Variants in PALM2AKAP2 observed in about 807,000 individuals in gnomAD.
PALM2AKAP2 encodes the protein PALM2 and AKAP2 fusion, also known as PALM2-AKAP2 fusion protein.
Under a neutral mutation model 71.5 loss-of-function variants are expected in PALM2AKAP2, and 37 were observed. The ratio of observed to expected loss-of-function variants is 0.52; its 90% CI spans 0.40 to 0.68. PALM2AKAP2 has a LOEUF of 0.68. PALM2AKAP2 is among the 30% of genes least tolerant of loss of function. The probability of loss-of-function intolerance (pLI) is 0.00; values close to 1 mark genes in which losing one functional copy is unlikely to be tolerated. For synonymous variants in PALM2AKAP2, 468 were observed against 478.8 expected (o/e 0.98, Z 0.29); for missense variants, 1,224 against 1,191.8 (o/e 1.03, Z -0.40).
At chr9:109,642,306 AC>A (rs1827081546) in intron 1 of PALM2AKAP2, among the ~76,000 whole-genome samples, 3 of 151,744 alleles carry the variant, frequency 2.0e-5, no homozygotes, top group Admixed American at 2.0e-4. Flanking sequence ...TATTTCATGT[AC>A]TTTTTGTGAA....
intron 3 of PALM2AKAP2, among the ~76,000 whole-genome samples, chr9:109,883,803 C>T (rs1287038765): frequency 1.3e-5 from 2 of 152,210 alleles, no homozygotes; most frequent in Non-Finnish European, 2.9e-5. Context: ...GCTGATAGGG[C>T]TGAGCTCACC....
At chr9:109,815,158 C>T (rs900047867) in intron 1 of PALM2AKAP2, among the ~76,000 whole-genome samples, 3 of 152,022 alleles carry the variant, frequency 2.0e-5, no homozygotes, top group African/African-American at 2.4e-5. Context: ...GAACTTGGTA[C>T]TGATTGAGTA....
intron 2 of PALM2AKAP2, among the ~76,000 whole-genome samples, chr9:109,869,033 A>G (rs897511813): frequency 1.3e-5 from 2 of 152,244 alleles, no homozygotes; most frequent in East Asian, 3.8e-4. Flanking sequence ...ACCAACATGT[A>G]CTAAAACCTC....
intron 1 of PALM2AKAP2, among the ~76,000 whole-genome samples, chr9:110,075,761 T>C (rs945272993): frequency 6.6e-6 from 1 of 152,112 alleles, no homozygotes; most frequent in East Asian, 1.9e-4. Context: ...TTTAAAATAA[T>C]TTTAAACTTA....
intron 1 of PALM2AKAP2, among the ~76,000 whole-genome samples, chr9:109,690,602 T>C (rs1474200859): frequency 6.6e-6 from 1 of 152,232 alleles, no homozygotes; most frequent in African/African-American, 2.4e-5. Context: ...TAATTGATCT[T>C]GGATACACAT....
At chr9:109,949,716 C>T (rs1831590893) in intron 6 of PALM2AKAP2, among the ~76,000 whole-genome samples, 1 of 152,144 alleles carries the variant, frequency 6.6e-6, no homozygotes, top group East Asian at 1.9e-4. Flanking sequence ...CTTTCTATAC[C>T]TGCCATTAGG....
chr9:110,166,874 CCAA>C (rs1424127751), intron 3 of PALM2AKAP2, among the ~76,000 whole-genome samples: 1 of 152,128 alleles, frequency 6.6e-6, no homozygotes, highest in East Asian at 1.9e-4. Flanking sequence ...TCTGGAGTTG[CCAA>C]CTGTATTAGT....
At position 110,025,250 on chromosome 9, in the gene PALM2AKAP2, C is replaced by T. The variant is rs550476250; in HGVS notation, c.582+9211C>T. On this transcript the variant is annotated intron_variant, in intron 7 of 9. Coordinates refer to the PALM2AKAP2 transcript ENST00000302798. ...ATTCCCTTGATGTCTACAATATCAC[C>T]TTTCTTATAGATTCGCATATACGTG... 110 of 1,143,660 alleles carry T rather than the reference C, an allele frequency of 9.6e-5. 2 individuals carry two copies. In the South Asian group the frequency reaches 1.3e-3, roughly 13 times the overall value. The allele number at this position is 1,143,660 out of a possible 1,614,324, so 70.8% of individuals were successfully genotyped here.
chr9:109,946,271 G>T (rs948736066), intron 6 of PALM2AKAP2: 2 of 152,058 alleles, frequency 1.3e-5, no homozygotes, highest in Non-Finnish European at 2.9e-5. Flanking sequence ...ATTATGTGTG[G>T]TATCACACTC....
At chr9:109,689,446 CG>C (rs1564113822) in intron 1 of PALM2AKAP2, among the ~76,000 whole-genome samples, 1 of 152,014 alleles carries the variant, frequency 6.6e-6, no homozygotes, top group East Asian at 1.9e-4. Context: ...GTGATCCACC[CG>C]CCTCGGCCAC....
At chr9:109,685,025 C>A (rs902828215) in intron 1 of PALM2AKAP2, among the ~76,000 whole-genome samples, 1 of 152,204 alleles carries the variant, frequency 6.6e-6, no homozygotes, top group South Asian at 2.1e-4. Context: ...AAGGATTATA[C>A]TAAGTAGAGA....
chr9:110,091,672 C>T (rs918658442), intron 1 of PALM2AKAP2, among the ~76,000 whole-genome samples: 7 of 152,006 alleles, frequency 4.6e-5, no homozygotes, highest in Non-Finnish European at 1.0e-4. Flanking sequence ...CCGTGTTAGC[C>T]AGGATGGTCT....
chr9:109,909,711 A>G (rs1456282451), intron 3 of PALM2AKAP2, among the ~76,000 whole-genome samples: 1 of 152,214 alleles, frequency 6.6e-6, no homozygotes, highest in Non-Finnish European at 1.5e-5. Context: ...GAAAAGTCCA[A>G]AGAAGACTTC....
chr9:110,036,236 T>C (rs772172945), intron 7 of PALM2AKAP2, among the ~76,000 whole-genome samples: 21 of 152,162 alleles, frequency 1.4e-4, no homozygotes, highest in Non-Finnish European at 2.8e-4. Context: ...CACCAGGCCC[T>C]GTGCTTTGTT....
intron 1 of PALM2AKAP2, among the ~76,000 whole-genome samples, chr9:110,079,857 G>C (rs188565814): frequency 2.1e-3 from 323 of 152,066 alleles, no homozygotes; most frequent in Non-Finnish European, 3.4e-3. Context: ...AAAACCTGAG[G>C]TCAGGAGTTC....
At chr9:109,743,823 C>T (rs1421543579) in intron 1 of PALM2AKAP2, among the ~76,000 whole-genome samples, 2 of 152,138 alleles carry the variant, frequency 1.3e-5, no homozygotes, top group African/African-American at 4.8e-5. Context: ...ATTTACATTC[C>T]TAACATCAGA....
At chr9:109,672,988 C>A (rs1346933388) in intron 1 of PALM2AKAP2, among the ~76,000 whole-genome samples, 1 of 151,712 alleles carries the variant, frequency 6.6e-6, no homozygotes, top group Non-Finnish European at 1.5e-5. Context: ...TAAATCTTTT[C>A]TCTCTTCTTT....
intron 7 of PALM2AKAP2, among the ~76,000 whole-genome samples, 179 bp downstream of exon 7, chr9:110,016,218 G>A (rs139019131): frequency 1.2e-3 from 185 of 152,242 alleles, no homozygotes; most frequent in African/African-American, 3.4e-3. Flanking sequence ...TTGGGATCTG[G>A]TCTACAGCCG....
At chr9:109,910,570 G>T in intron 3 of PALM2AKAP2, among the ~76,000 whole-genome samples, 1 of 152,212 alleles carries the variant, frequency 6.6e-6, no homozygotes, top group Non-Finnish European at 1.5e-5. Flanking sequence ...CATGGAGGAA[G>T]AGTGATCAAA....
Sources: allele counts gnomAD v4.1 joint callset (sites outside exome capture counted in the v4.1 genomes callset), GRCh38; gene constraint gnomAD v4.1.1; transcripts MANE v1.5; gene names NCBI Gene and HGNC (gene_info 2026-07-23, HGNC 2026-07-21).